The following TNRC6C variants were observed in gnomAD, a reference collection of about 807,000 sequenced individuals.
TNRC6C encodes the protein trinucleotide repeat containing adaptor 6C, also known as trinucleotide repeat-containing gene 6C protein.
Under a neutral mutation model 153.7 loss-of-function variants are expected in TNRC6C, and 20 were observed. The ratio of observed to expected loss-of-function variants is 0.13; its 90% CI spans 0.09 to 0.19. The LOEUF is 0.19. TNRC6C is among the 10% of genes least tolerant of loss of function. The probability of loss-of-function intolerance (pLI) is 1.00; values close to 1 mark genes in which losing one functional copy is unlikely to be tolerated. For missense variants in TNRC6C, 1,987 were observed against 2,172.0 expected (o/e 0.91, Z 1.69); for synonymous variants, 811 against 841.4 (o/e 0.96, Z 0.63).
chr17:78,077,361 A>G (rs2144367629), intron 9 of TNRC6C, 27 bp downstream of exon 11: 2 of 1,560,590 alleles, frequency 1.3e-6, no homozygotes, highest in Non-Finnish European at 1.7e-6. Flanking sequence ...AGAGCAAAAC[A>G]TGGCCTTTGT....
At chr17:77,958,150 C>T (rs2070823673), upstream of TNRC6C, among the ~76,000 whole-genome samples, 1 of 151,544 alleles carries the variant, frequency 6.6e-6, no homozygotes, top group Admixed American at 6.6e-5. Flanking sequence ...GCGAGACGCG[C>T]GCCGGTGCGG....
At chr17:78,091,838 C>G in intron 14 of TNRC6C, among the ~76,000 whole-genome samples, 1 of 152,120 alleles carries the variant, frequency 6.6e-6, no homozygotes, top group East Asian at 1.9e-4. Flanking sequence ...TTTGAAAACC[C>G]CAGAGCAGCA....
At position 78,056,570 on chromosome 17, in the gene TNRC6C, T is replaced by C. The variant is rs1215664677; in HGVS notation, c.2395+5113T>C. 2.6e-5 allele frequency among the ~76,000 whole-genome samples: 4 copies of C among 151,814 alleles called. No individual in the cohort carries two copies. The East Asian group carries it at 7.7e-4, about 29-fold the overall frequency. On this transcript the variant is annotated intron_variant, in intron 3 of 19. Coordinates refer to ENST00000301624, the Ensembl canonical transcript of TNRC6C. ...GCTCCGCCTCCCAGGTTCACGCCAT[T>C]CTCGTGCCTCAGCCTCCCGAGTAGC...
At chr17:78,007,308 CT>C (rs768322671) in intron 1 of TNRC6C, among the ~76,000 whole-genome samples, 4 of 152,144 alleles carry the variant, frequency 2.6e-5, no homozygotes, top group Non-Finnish European at 4.4e-5. Context: ...ACAAAAAATG[CT>C]TTTTGAATTA....
intron 1 of TNRC6C, among the ~76,000 whole-genome samples, chr17:77,985,864 G>T (rs953432885): frequency 8.5e-5 from 13 of 152,108 alleles, no homozygotes; most frequent in Non-Finnish European, 1.8e-4. Context: ...AGGAATCTTA[G>T]AATTCTGACT....
Position 78,050,693 on chromosome 17 carries a change from C to T in TNRC6C, c.1631C>T (p.Thr544Ile), listed in dbSNP as rs957482568. 3 of 1,570,520 alleles carry T rather than the reference C, an allele frequency of 1.9e-6. No homozygotes were observed. The African/African-American group carries it at 4.1e-5, about 21-fold the overall frequency. ...GTTTGGGGGGACTCGATAAGCTCTA[C>T]TGCTGTTAGTACTGCTGCTGCTGCC... Residue 544 changes from threonine to isoleucine, a missense_variant, in exon 3 of 20, where the codon ACT (threonine) becomes ATT (isoleucine). This residue lies in a region of TNRC6C where 1,052 missense variants were observed against 1,017.0 expected (regional missense o/e 1.03). Coordinates refer to ENST00000301624, the Ensembl canonical transcript of TNRC6C.
Position 78,079,503 on chromosome 17 carries a change from A to C in TNRC6C, c.3319A>C (p.Ser1107Arg), listed in dbSNP as rs1434934797. The C allele has an allele frequency of 8.1e-6, 13 of 1,613,864 alleles. No homozygotes were observed. The highest frequency in any genetic ancestry group is 1.0e-5 in the Non-Finnish European group (12 of 1,179,878). The change falls in exon 10 of 20, where the codon AGT becomes CGT. Residue 1107 changes from serine to arginine, a missense_variant. Transcript: ENST00000301624. The surrounding 1 kb of genome is among the most constrained non-coding windows in gnomAD (Gnocchi z 4.3). Reference sequence around the variant, plus strand: ...GCAGCCTCTTAACTCTTCCCAGCCCAGTCTCCGTGCTCAAGTGCCTCAGTT... The same window carrying C: ...GCAGCCTCTTAACTCTTCCCAGCCCCGTCTCCGTGCTCAAGTGCCTCAGTT...
At chr17:78,099,371 C>T (rs113309711) in intron 17 of TNRC6C, among the ~76,000 whole-genome samples, 8,819 of 152,184 alleles carry the variant, frequency 0.058, 292 homozygotes, top group Middle Eastern at 0.088. Context: ...AAGACATACC[C>T]GAGACTGGGC....
At chr17:78,006,528 CTT>C (rs1463246532) in intron 1 of TNRC6C, among the ~76,000 whole-genome samples, 6 of 140,132 alleles carry the variant, frequency 4.3e-5, no homozygotes, top group African/African-American at 1.1e-4. Flanking sequence ...TCTTCTTCTT[CTT>C]CTTCTTCTTC....
rs1453770055 is a variant in TNRC6C at position 78,075,858 on chromosome 17, A to G, written c.3060+580A>G. 6.6e-6 allele frequency among the ~76,000 whole-genome samples: 1 copy of G among 152,116 alleles called. No homozygotes were observed. Among genetic ancestry groups the G allele is most frequent in the African/African-American group, 2.4e-5 (1 of 41,426 alleles). ...GGAGAAAAGCATTGCACTAAATTCA[A>G]TGCAAATGTCGAGCCTTGAAAATAA... On this transcript the variant is annotated intron_variant, in intron 8 of 19. Coordinates refer to ENST00000301624, the Ensembl canonical transcript of TNRC6C. This position sits in a 1 kb window ranked among gnomAD's most constrained non-coding sequence, Gnocchi z 4.2.
At chr17:77,992,003 G>T (rs2071258520) in intron 1 of TNRC6C, among the ~76,000 whole-genome samples, 1 of 152,154 alleles carries the variant, frequency 6.6e-6, no homozygotes. Context: ...GGTGATACCT[G>T]TCTCAACAAG....
chr17:78,097,595 C>G, intron 16 of TNRC6C, 150 bp from the exon 19 acceptor site: 1 of 566,904 alleles, frequency 1.8e-6, no homozygotes, highest in Admixed American at 3.5e-5. Flanking sequence ...CCCGTTTCTT[C>G]TTTCCCACAT....
At chr17:78,087,388 GT>G (rs1245961968) in intron 13 of TNRC6C, among the ~76,000 whole-genome samples, 1 of 152,140 alleles carries the variant, frequency 6.6e-6, no homozygotes, top group Non-Finnish European at 1.5e-5. Flanking sequence ...AAAGTGCTGG[GT>G]TTATAGGTGT....
At chr17:78,011,323 G>A (rs987232141) in intron 1 of TNRC6C, among the ~76,000 whole-genome samples, 1 of 152,174 alleles carries the variant, frequency 6.6e-6, no homozygotes, top group African/African-American at 2.4e-5. Flanking sequence ...GACCTTTTCT[G>A]ATCCATCTCC....
chr17:78,082,498 C>G (rs537864860), intron 10 of TNRC6C, among the ~76,000 whole-genome samples: 1 of 152,256 alleles, frequency 6.6e-6, no homozygotes, highest in Non-Finnish European at 1.5e-5. Flanking sequence ...ATAATTGCAG[C>G]AAAAGCTGGT....
intron 16 of TNRC6C, among the ~76,000 whole-genome samples, chr17:78,094,273 A>G (rs2073443728): frequency 6.6e-6 from 1 of 151,976 alleles, no homozygotes; most frequent in Non-Finnish European, 1.5e-5. Context: ...TAGAAGTGCC[A>G]TCTCTGATAA....
exon 3 of TNRC6C, chr17:78,050,283 T>C (rs2072497554): frequency 2.6e-6 from 4 of 1,549,502 alleles, no homozygotes; most frequent in Non-Finnish European, 3.5e-6. Context: ...GCAACCACAA[T>C]GAAGGAAGCA....
At chr17:78,088,313 G>GT (rs1338153910) in intron 13 of TNRC6C, among the ~76,000 whole-genome samples, 1 of 152,010 alleles carries the variant, frequency 6.6e-6, no homozygotes, top group East Asian at 1.9e-4. Flanking sequence ...GACTCCCTAG[G>GT]TTTGAGTCCC....
intron 1 of TNRC6C, among the ~76,000 whole-genome samples, chr17:78,013,678 A>G (rs2071676268): frequency 6.6e-6 from 1 of 152,190 alleles, no homozygotes; most frequent in Non-Finnish European, 1.5e-5. Flanking sequence ...TCAACAAAGG[A>G]GCCCAAACTT....
Sources: allele counts gnomAD v4.1 joint callset (sites outside exome capture counted in the v4.1 genomes callset), GRCh38; gene constraint gnomAD v4.1.1; regional missense constraint gnomAD v4.1.1; non-coding constraint Gnocchi (gnomAD v3.1); transcripts MANE v1.5; gene names NCBI Gene and HGNC (gene_info 2026-07-23, HGNC 2026-07-21).